Variants in EPHB2 observed in about 807,000 individuals in gnomAD.
EPHB2 encodes the protein ephrin type-B receptor 2.
In EPHB2, 18 loss-of-function variants were observed where a neutral mutation model predicts 96.4. The observed-to-expected ratio is 0.19, with a 90% CI of 0.13 to 0.28. The LOEUF is 0.28. EPHB2 is among the 10% of genes least tolerant of loss of function. The pLI, the probability that EPHB2 is intolerant of heterozygous loss-of-function variation, is 1.00. For synonymous variants in EPHB2, 506 were observed against 534.1 expected, an observed-to-expected ratio of 0.95 and a Z score of 0.72; for missense variants, 989 against 1,355.4, an observed-to-expected ratio of 0.73 and a Z score of 4.25.
At chr1:22,798,255 T>C (rs960096474) in intron 3 of EPHB2, among the ~76,000 whole-genome samples, 2 of 152,098 alleles carry the variant, frequency 1.3e-5, no homozygotes, top group African/African-American at 4.8e-5. Flanking sequence ...CCAAGGCCCA[T>C]GGAGAGGCTG....
intron 5 of EPHB2, among the ~76,000 whole-genome samples, chr1:22,866,882 C>A (rs1420855348): frequency 6.6e-6 from 1 of 152,070 alleles, no homozygotes; most frequent in Non-Finnish European, 1.5e-5. Context: ...TGCAGTGAGC[C>A]GAGATCATGC....
At chr1:22,807,373 A>G (rs1365745486) in intron 3 of EPHB2, among the ~76,000 whole-genome samples, 1 of 152,188 alleles carries the variant, frequency 6.6e-6, no homozygotes, top group Non-Finnish European at 1.5e-5. Flanking sequence ...TCCCCATTTT[A>G]TAGATGGAGC....
At chr1:22,791,444 T>C (rs537922790) in intron 3 of EPHB2, among the ~76,000 whole-genome samples, 1 of 98,844 alleles carries the variant, frequency 1.0e-5, no homozygotes, top group African/African-American at 4.3e-5. Context: ...ATTACATGGG[T>C]TTCTTTCTTT....
At chr1:22,871,657 C>A (rs1638670909) in intron 5 of EPHB2, among the ~76,000 whole-genome samples, 1 of 152,210 alleles carries the variant, frequency 6.6e-6, no homozygotes, top group Non-Finnish European at 1.5e-5. Flanking sequence ...GCTGCCAGAA[C>A]AAAATACCTC....
In EPHB2 at chr1:22,914,679, A is replaced by G. The variant is rs958804149; in HGVS notation, c.*1109A>G. The G allele has an allele frequency of 3.9e-5, 6 of 152,422 alleles. No individual in the cohort carries two copies. Among genetic ancestry groups the G allele is most frequent in the African/African-American group, 1.5e-4 (6 of 41,366 alleles). 9.4% of individuals were successfully genotyped at this position (152,422 alleles called of 1,614,324 possible). ...ACACCAAGGGCGAGATTTTATATGCACATTTCTGGATTTTTTTATACGGTT... is the reference window on the plus strand; with the variant it reads ...ACACCAAGGGCGAGATTTTATATGCGCATTTCTGGATTTTTTTATACGGTT... On this transcript the variant is annotated 3_prime_UTR_variant, in exon 16 of 16. Transcript: ENST00000374630.
Position 22,863,127 on chromosome 1 carries a change from C to T in EPHB2, c.902C>T (p.Thr301Ile). 1.2e-6 allele frequency: 2 copies of T among 1,614,206 alleles called. No individual in the cohort carries two copies. The highest frequency in any genetic ancestry group is 1.7e-6 in the Non-Finnish European group (2 of 1,180,040). Reference protein sequence around the residue: ...INSRTTSEGATNCVCRNGYYR... With the variant: ...INSRTTSEGAINCVCRNGYYR... ...AGCCGGACCACTTCTGAAGGGGCCA[C>T]CAACTGTGTCTGCCGCAATGGCTAC... The change falls in exon 4 of 16, where the codon ACC (threonine) becomes ATC (isoleucine). Residue 301 changes from threonine (T) to isoleucine (I), a missense_variant. Coordinates refer to ENST00000374630, the MANE Select transcript of EPHB2 (RefSeq NM_017449.5).
chr1:22,832,184 T>G (rs1645314287), intron 3 of EPHB2, among the ~76,000 whole-genome samples: 1 of 152,050 alleles, frequency 6.6e-6, no homozygotes, highest in Admixed American at 6.5e-5. Context: ...GTGCACGTCA[T>G]CAGAACAATG....
chr1:22,815,081 G>A (rs1026437750), intron 3 of EPHB2, among the ~76,000 whole-genome samples: 2 of 152,208 alleles, frequency 1.3e-5, no homozygotes, highest in East Asian at 3.9e-4. Context: ...ATGCCAAGGG[G>A]TGAGGGTTTA....
chr1:22,905,081 G>A (rs1008531646), intron 9 of EPHB2, among the ~76,000 whole-genome samples: 6 of 152,190 alleles, frequency 3.9e-5, no homozygotes, highest in Non-Finnish European at 7.3e-5. Context: ...GCCTATCTGG[G>A]AGGCGGAAGA....
In EPHB2 at chr1:22,910,478, C is replaced by A; in HGVS notation, c.2599C>A (p.Arg867Ser). The A allele has an allele frequency of 6.2e-7, 1 of 1,613,056 alleles. No individual in the cohort carries two copies. The highest frequency in any genetic ancestry group is 8.5e-7 in the Non-Finnish European group (1 of 1,180,002). Residue 867 changes from arginine (R) to serine (S), a missense_variant, in exon 14 of 16, where the codon CGC (arginine) becomes AGC (serine). Coordinates refer to ENST00000374630, the MANE Select transcript of EPHB2 (RefSeq NM_017449.5). ...CATGCTGGACTGTTGGCAGAAGGAC[C>A]GCAACCACCGGCCCAAGTTCGGCCA... Reference protein sequence around the residue: ...QLMLDCWQKDRNHRPKFGQIV... With the variant: ...QLMLDCWQKDSNHRPKFGQIV...
At chr1:22,854,344 C>A (rs1331536288) in intron 3 of EPHB2, among the ~76,000 whole-genome samples, 1 of 152,066 alleles carries the variant, frequency 6.6e-6, no homozygotes, top group Non-Finnish European at 1.5e-5. Flanking sequence ...AACCCCATCT[C>A]TACAAAATAT....
At chr1:22,908,267 G>A in intron 12 of EPHB2, 99 bp downstream of exon 12, 1 of 1,414,854 alleles carries the variant, frequency 7.1e-7, no homozygotes, top group Non-Finnish European at 9.8e-7. Flanking sequence ...GCCCAATTGG[G>A]CCAAGCACTG....
intron 9 of EPHB2, among the ~76,000 whole-genome samples, chr1:22,898,282 G>C (rs1477357566): frequency 6.6e-6 from 1 of 152,218 alleles, no homozygotes; most frequent in African/African-American, 2.4e-5. Context: ...TCAGGGTGGC[G>C]TTTTTAAATA....
chr1:22,780,829 A>G (rs760873422), intron 1 of EPHB2, among the ~76,000 whole-genome samples: 8 of 152,112 alleles, frequency 5.3e-5, no homozygotes, highest in Non-Finnish European at 1.0e-4. Context: ...GAGCCTGACC[A>G]TGATGTAAGG....
At chr1:22,775,572 C>T (rs1255975844) in intron 1 of EPHB2, among the ~76,000 whole-genome samples, 1 of 152,252 alleles carries the variant, frequency 6.6e-6, no homozygotes, top group Non-Finnish European at 1.5e-5. Flanking sequence ...TCCTTTCAGC[C>T]CAACGCTAAC....
intron 5 of EPHB2, 144 bp downstream of exon 5, chr1:22,865,356 G>A (rs1265185979): frequency 1.1e-6 from 1 of 938,008 alleles, no homozygotes; most frequent in East Asian, 2.6e-5. Context: ...CCACCTGGGA[G>A]AGTAAGTGCT....
intron 1 of EPHB2, among the ~76,000 whole-genome samples, chr1:22,718,993 A>G (rs572925371): frequency 2.5e-4 from 38 of 152,306 alleles, no homozygotes; most frequent in African/African-American, 8.2e-4. Context: ...AGCTCCATCA[A>G]CATCCTGAGA....
intron 5 of EPHB2, among the ~76,000 whole-genome samples, chr1:22,876,688 A>G (rs563751373): frequency 6.6e-6 from 1 of 152,278 alleles, no homozygotes; most frequent in South Asian, 2.1e-4. Context: ...TTCCCTGATG[A>G]CCAACTTACA....
At chr1:22,737,435 C>T (rs529359698) in intron 1 of EPHB2, among the ~76,000 whole-genome samples, 2 of 152,288 alleles carry the variant, frequency 1.3e-5, no homozygotes, top group East Asian at 3.9e-4. Context: ...CATTCTCATC[C>T]ATAAACTATA....
Sources: gnomAD v4.1 joint callset for allele counts (sites outside exome capture counted in the v4.1 genomes callset) on GRCh38, gnomAD v4.1.1 for gene constraint, MANE v1.5 for transcripts, NCBI Gene and HGNC (gene_info 2026-07-23, HGNC 2026-07-21) for gene names.